Variants in GABBR2 observed in about 807,000 individuals in gnomAD.
GABBR2 encodes the protein G-protein coupled receptor 51.
Under a neutral mutation model 105.6 loss-of-function variants are expected in GABBR2, and 23 were observed. The ratio of observed to expected loss-of-function variants is 0.22; its 90% CI spans 0.16 to 0.31. The LOEUF (loss-of-function observed/expected upper bound fraction) is 0.31, where lower values mean the gene tolerates loss of function less well. GABBR2 is among the 10% of genes least tolerant of loss of function. GABBR2 has a pLI of 1.00. For synonymous variants in GABBR2, 478 were observed against 499.7 expected, an observed-to-expected ratio of 0.96 and a Z score of 0.58; for missense variants, 734 against 1,245.5, an observed-to-expected ratio of 0.59 and a Z score of 6.18.
At chr9:98,591,307 G>A (rs758189678) in intron 1 of GABBR2, among the ~76,000 whole-genome samples, 9 of 152,212 alleles carry the variant, frequency 5.9e-5, no homozygotes, top group Admixed American at 1.3e-4. Flanking sequence ...GAGGTCCATC[G>A]TGTTCACTAG....
intron 14 of GABBR2, among the ~76,000 whole-genome samples, chr9:98,310,526 G>A (rs181709447): frequency 3.9e-5 from 6 of 152,320 alleles, no homozygotes; most frequent in Admixed American, 3.9e-4. Flanking sequence ...GGCATTGCAA[G>A]CATGAGCCAC....
intron 2 of GABBR2, among the ~76,000 whole-genome samples, chr9:98,560,355 C>T (rs953012869): frequency 6.6e-6 from 1 of 151,808 alleles, no homozygotes; most frequent in African/African-American, 2.4e-5. Flanking sequence ...TATTCTTCCT[C>T]TCCACTATCC....
intron 15 of GABBR2, chr9:98,304,149 C>T (rs1830513328): frequency 6.6e-6 from 1 of 152,430 alleles, no homozygotes; most frequent in South Asian, 2.1e-4. Context: ...GAAGGAAGGA[C>T]TCAATCTTCA....
intron 12 of GABBR2, among the ~76,000 whole-genome samples, chr9:98,369,457 C>G (rs974858701): frequency 6.6e-6 from 1 of 152,080 alleles, no homozygotes; most frequent in Admixed American, 6.5e-5. Flanking sequence ...AGGCAGGAGC[C>G]CACAGAATCA....
At position 98,529,955 on chromosome 9, in the gene GABBR2, C is replaced by T. The variant is rs191179628; in HGVS notation, c.630+11918G>A. Among the ~76,000 whole-genome samples, 13 of 152,354 alleles carry T rather than the reference C, an allele frequency of 8.5e-5. No individual in the cohort carries two copies. In the East Asian group the frequency reaches 2.1e-3, roughly 25 times the overall value. The stretch of plus-strand genomic sequence containing the variant: ...CTATCGAGCCCCAACAGACTCTTTG[C>T]TGTTTCCTGAAGGTTCCACACACCT... On this transcript the variant is annotated intron_variant, in intron 3 of 18. Coordinates refer to ENST00000259455, the MANE Select transcript of GABBR2 (RefSeq NM_005458.8).
At chr9:98,508,573 C>A (rs952868430) in intron 3 of GABBR2, among the ~76,000 whole-genome samples, 6 of 152,220 alleles carry the variant, frequency 3.9e-5, no homozygotes, top group Non-Finnish European at 7.3e-5. Flanking sequence ...CCTAATACTG[C>A]GCTTTTCCAA....
chr9:98,578,076 G>C lies in GABBR2; in HGVS notation c.322-4C>G. ...TCAACCCTTTTGCGTTGTCGCACTG[G>C]GAAGCAACACATAGAAAGAAAGGTC... is the stretch of plus-strand genomic sequence containing the variant. On this transcript the variant is annotated splice_region_variant and splice_polypyrimidine_tract_variant and intron_variant, in intron 1 of 18. Transcript: ENST00000259455. The C allele has an allele frequency of 6.2e-7, 1 of 1,613,538 alleles. No homozygotes were observed. The highest frequency in any genetic ancestry group is 8.5e-7 in the Non-Finnish European group (1 of 1,179,818).
intron 4 of GABBR2, among the ~76,000 whole-genome samples, chr9:98,483,961 T>C (rs1472519826): frequency 6.6e-6 from 1 of 152,206 alleles, no homozygotes; most frequent in Non-Finnish European, 1.5e-5. Context: ...AACAAATATG[T>C]GTTGAATGCA....
At chr9:98,523,766 C>T (rs1827910336) in intron 3 of GABBR2, among the ~76,000 whole-genome samples, 1 of 152,154 alleles carries the variant, frequency 6.6e-6, no homozygotes, top group South Asian at 2.1e-4. Flanking sequence ...TATTAGAAAA[C>T]CCACCAGAGT....
intron 2 of GABBR2, among the ~76,000 whole-genome samples, chr9:98,573,314 G>A (rs1036821533): frequency 3.9e-5 from 6 of 152,092 alleles, no homozygotes; most frequent in Non-Finnish European, 7.4e-5. Flanking sequence ...GCAGGGTATC[G>A]CTTTTTCGCC....
chr9:98,319,274 TC>T (rs1435003158), intron 13 of GABBR2, among the ~76,000 whole-genome samples: 4 of 152,186 alleles, frequency 2.6e-5, no homozygotes, highest in African/African-American at 9.6e-5. Context: ...ATCATTATTA[TC>T]CCCCACTGCA....
At chr9:98,410,740 C>T (rs1369591841) in intron 7 of GABBR2, among the ~76,000 whole-genome samples, 1 of 152,002 alleles carries the variant, frequency 6.6e-6, no homozygotes, top group Non-Finnish European at 1.5e-5. Context: ...CATTTGTATT[C>T]CAAATCTGCT....
At chr9:98,641,484 G>A (rs1015477800) in intron 1 of GABBR2, among the ~76,000 whole-genome samples, 1 of 152,072 alleles carries the variant, frequency 6.6e-6, no homozygotes, top group African/African-American at 2.4e-5. Flanking sequence ...ACCTGTCACA[G>A]CATTCTCATG....
At chr9:98,409,986 G>C (rs1832557226) in intron 7 of GABBR2, among the ~76,000 whole-genome samples, 1 of 152,128 alleles carries the variant, frequency 6.6e-6, no homozygotes, top group Non-Finnish European at 1.5e-5. Flanking sequence ...CCACCTGAAG[G>C]AGCTGAGCAA....
intron 6 of GABBR2, among the ~76,000 whole-genome samples, chr9:98,463,880 C>T (rs1826479033): frequency 6.6e-6 from 1 of 152,216 alleles, no homozygotes; most frequent in Admixed American, 6.5e-5. Context: ...GGGTGATCTG[C>T]CCGCCTCGGC....
At chr9:98,684,329 C>T (rs1284124498) in intron 1 of GABBR2, among the ~76,000 whole-genome samples, 3 of 151,784 alleles carry the variant, frequency 2.0e-5, no homozygotes, top group African/African-American at 4.8e-5. Flanking sequence ...TTGAATTTTC[C>T]TCTCTTTATT....
intron 2 of GABBR2, among the ~76,000 whole-genome samples, chr9:98,576,079 C>T (rs1456702042): frequency 1.3e-5 from 2 of 152,244 alleles, no homozygotes; most frequent in African/African-American, 4.8e-5. Flanking sequence ...TTCATCACAC[C>T]TGCCATAGCT....
At chr9:98,512,614 G>C (rs200761267) in intron 3 of GABBR2, among the ~76,000 whole-genome samples, 7,281 of 151,928 alleles carry the variant, frequency 0.048, 258 homozygotes, top group South Asian at 0.13. Flanking sequence ...ACCAATAACA[G>C]ACAAACAGAG....
At chr9:98,393,580 G>A (rs893196586) in intron 9 of GABBR2, among the ~76,000 whole-genome samples, 3 of 152,212 alleles carry the variant, frequency 2.0e-5, no homozygotes, top group Non-Finnish European at 2.9e-5. Flanking sequence ...GACCTTGGCT[G>A]GTGCCAGGAA....
Sources: gnomAD v4.1 joint callset for allele counts (sites outside exome capture counted in the v4.1 genomes callset) on GRCh38, gnomAD v4.1.1 for gene constraint, MANE v1.5 for transcripts, NCBI Gene and HGNC (gene_info 2026-07-23, HGNC 2026-07-21) for gene names.